The following TRIO variants were observed in gnomAD, a reference collection of about 807,000 sequenced individuals.
The protein encoded by TRIO is trio Rho guanine nucleotide exchange factor, also known as triple functional domain protein.
A neutral mutation model predicts 351.9 loss-of-function variants in TRIO; 58 were observed. The observed-to-expected ratio is 0.16, with a 90% confidence interval of 0.13 to 0.21. The LOEUF (loss-of-function observed/expected upper bound fraction) is 0.21, where lower values mean the gene tolerates loss of function less well. Among genes scored for constraint, TRIO ranks in the 10% least tolerant of loss-of-function variants. The pLI is 1.00. For synonymous variants in TRIO, 1,758 were observed against 1,595.7 expected, an observed-to-expected ratio of 1.10 and a Z score of -2.42; for missense variants, 3,201 against 4,027.8, an observed-to-expected ratio of 0.79 and a Z score of 5.56.
At chr5:14,307,834 G>C (rs1738512716) in intron 8 of TRIO, among the ~76,000 whole-genome samples, 1 of 152,150 alleles carries the variant, frequency 6.6e-6, no homozygotes, top group Non-Finnish European at 1.5e-5. Context: ...GTATTTATTA[G>C]GTGGCTTTCT....
At chr5:14,485,697 G>A (rs986699638) in intron 47 of TRIO, among the ~76,000 whole-genome samples, 12 of 152,134 alleles carry the variant, frequency 7.9e-5, no homozygotes, top group African/African-American at 1.4e-4. Context: ...AAAAAAATAA[G>A]AGATGGGGCC....
At chr5:14,400,660 G>A (rs1181217989) in intron 30 of TRIO, among the ~76,000 whole-genome samples, 6 of 152,158 alleles carry the variant, frequency 3.9e-5, no homozygotes, top group Admixed American at 1.3e-4. Context: ...GCAAATAGTC[G>A]AATCTTGATT....
At chr5:14,261,978 G>C (rs1032256358) in intron 1 of TRIO, among the ~76,000 whole-genome samples, 1 of 152,214 alleles carries the variant, frequency 6.6e-6, no homozygotes, top group African/African-American at 2.4e-5. Flanking sequence ...AGTTGCATGC[G>C]TTGGAGCTGT....
chr5:14,496,894 G>T lies in TRIO; in HGVS notation c.7896G>T (p.Trp2632Cys). The T allele has an allele frequency of 6.2e-7, 1 of 1,614,090 alleles. No individual in the cohort carries two copies. The highest frequency in any genetic ancestry group is 1.1e-5 in the South Asian group (1 of 91,070). Residue 2632 changes from tryptophan (W) to cysteine (C), a missense_variant, in exon 50 of 57, where the codon TGG (tryptophan) becomes TGT (cysteine). Physicochemically the swap from Trp to Cys is radical, Grantham distance 215 (BLOSUM62 -2). This residue lies in a region of TRIO where 1,089 missense variants were observed against 954.9 expected (regional missense o/e 1.14). Coordinates refer to ENST00000344204, the MANE Select transcript of TRIO (RefSeq NM_007118.4). ...TTTCCCCTAGGAAGTCAACATCTTG[G>T]CACACAGCACTCCGTTTAAGGAAAA... ...PDGTLKKSTS[W>C]HTALRLRKKS...
intron 20 of TRIO, 105 bp from the exon 21 acceptor site, chr5:14,381,025 G>C: frequency 4.3e-6 from 6 of 1,406,428 alleles, no homozygotes; most frequent in Non-Finnish European, 5.6e-6. Flanking sequence ...TCTCGATGCT[G>C]CCAGCCTTGG....
intron 6 of TRIO, among the ~76,000 whole-genome samples, chr5:14,293,488 C>T (rs1018340572): frequency 4.6e-5 from 7 of 152,208 alleles, no homozygotes; most frequent in South Asian, 2.1e-4. Context: ...CCAGACGGAG[C>T]GCTGTCAGTT....
chr5:14,285,240 G>A (rs1041233129), intron 3 of TRIO, among the ~76,000 whole-genome samples: 2 of 150,578 alleles, frequency 1.3e-5, no homozygotes. Context: ...ATAGTTATTA[G>A]AAGTTCATCA....
intron 1 of TRIO, among the ~76,000 whole-genome samples, chr5:14,158,503 G>T (rs1788248745): frequency 1.3e-5 from 2 of 152,126 alleles, no homozygotes; most frequent in South Asian, 2.1e-4. Flanking sequence ...ACATTCTGAG[G>T]AAAGTTTTTG....
chr5:14,236,400 ACTAT>A (rs1321855159), intron 1 of TRIO, among the ~76,000 whole-genome samples: 1 of 152,178 alleles, frequency 6.6e-6, no homozygotes, highest in African/African-American at 2.4e-5. Context: ...TACTTAAATA[ACTAT>A]CTTTCTTCTC....
chr5:14,291,117 G>A lies in TRIO; in HGVS notation c.942G>A (p.Met314Ile). The part of the protein sequence containing the change: ...LQNLLPKVST[M>I]LDRLHSTRQH... ...ACCTCTTGCCCAAGGTGTCCACCAT[G>A]CTGGACCGGCTGCACTCGACACGGC... The change falls in exon 5 of 57, where the codon ATG becomes ATA. Residue 314 changes from methionine (M) to isoleucine (I), a missense_variant. Coordinates refer to ENST00000344204, the MANE Select transcript of TRIO (RefSeq NM_007118.4). 1 of 1,614,210 alleles carries A rather than the reference G, an allele frequency of 6.2e-7. No individual in the cohort carries two copies. Among genetic ancestry groups the A allele is most frequent in the Admixed American group, 1.7e-5 (1 of 60,024 alleles).
intron 1 of TRIO, among the ~76,000 whole-genome samples, chr5:14,251,375 G>A (rs1299802403): frequency 1.3e-5 from 2 of 152,192 alleles, no homozygotes; most frequent in African/African-American, 4.8e-5. Flanking sequence ...CACGTAACCT[G>A]ACAGAGCCTA....
At chr5:14,288,524 G>A (rs564495834) in intron 4 of TRIO, among the ~76,000 whole-genome samples, 183 of 152,186 alleles carry the variant, frequency 1.2e-3, no homozygotes, top group Admixed American at 1.7e-3. Context: ...AAAATTAGCC[G>A]GGCGTGGTGG....
At chr5:14,381,415 G>A (rs545667888) in intron 21 of TRIO, among the ~76,000 whole-genome samples, 163 bp downstream of exon 21, 13 of 152,210 alleles carry the variant, frequency 8.5e-5, no homozygotes, top group South Asian at 8.3e-4. Flanking sequence ...GTGTCCCTCC[G>A]TGTCCTCCAC....
intron 49 of TRIO, among the ~76,000 whole-genome samples, chr5:14,493,429 C>A (rs1363347333): frequency 2.0e-5 from 3 of 152,244 alleles, no homozygotes; most frequent in South Asian, 2.1e-4. Flanking sequence ...ATATTTCATG[C>A]ATTTTGTTAT....
At chr5:14,334,298 G>T (rs947205527) in intron 10 of TRIO, among the ~76,000 whole-genome samples, 2 of 152,118 alleles carry the variant, frequency 1.3e-5, no homozygotes, top group Non-Finnish European at 2.9e-5. Context: ...CCTGGCCAGG[G>T]GTTTCAGAGG....
At chr5:14,250,039 CT>C (rs769705202) in intron 1 of TRIO, among the ~76,000 whole-genome samples, 1 of 152,316 alleles carries the variant, frequency 6.6e-6, no homozygotes. Flanking sequence ...GTCCAGGCTG[CT>C]TGATTGTCTC....
At chr5:14,306,785 C>T (rs898145027) in intron 8 of TRIO, among the ~76,000 whole-genome samples, 5 of 152,150 alleles carry the variant, frequency 3.3e-5, no homozygotes, top group Admixed American at 6.6e-5. Flanking sequence ...TTGTTGCTCT[C>T]GGCAGTTTTC....
intron 33 of TRIO, among the ~76,000 whole-genome samples, chr5:14,416,815 G>A (rs1749682935): frequency 6.6e-6 from 1 of 152,202 alleles, no homozygotes; most frequent in Admixed American, 6.5e-5. Context: ...GGAGAATGAG[G>A]CAGCCAGAGG....
At chr5:14,485,352 C>A in intron 47 of TRIO, 106 bp downstream of exon 47, 1 of 1,219,520 alleles carries the variant, frequency 8.2e-7, no homozygotes, top group Non-Finnish European at 1.1e-6. Context: ...GAACTTAGCA[C>A]TCACCACTCT....
Sources: allele counts gnomAD v4.1 joint callset (sites outside exome capture counted in the v4.1 genomes callset), GRCh38; gene constraint gnomAD v4.1.1; regional missense constraint gnomAD v4.1.1; transcripts MANE v1.5; gene names NCBI Gene and HGNC (gene_info 2026-07-23, HGNC 2026-07-21).